XRN1: variants seen among roughly 807,000 people sequenced by gnomAD.
XRN1 encodes the protein strand-exchange protein 1 homolog.
A neutral mutation model predicts 222.3 loss-of-function variants in XRN1; 67 were observed. The ratio of observed to expected loss-of-function variants is 0.30; its 90% CI spans 0.25 to 0.37. The LOEUF (loss-of-function observed/expected upper bound fraction) is 0.37, where lower values mean the gene tolerates loss of function less well. Among genes scored for constraint, XRN1 ranks in the 10% least tolerant of loss-of-function variants. The pLI is 1.00. For missense variants in XRN1, 1,707 were observed against 2,000.2 expected (o/e 0.85, Z 2.80); for synonymous variants, 643 against 652.4 (o/e 0.99, Z 0.22).
At chr3:142,387,333 C>T (rs576538480) in intron 20 of XRN1, among the ~76,000 whole-genome samples, 2 of 152,168 alleles carry the variant, frequency 1.3e-5, no homozygotes, top group Non-Finnish European at 2.9e-5. Context: ...GAGGGAGCAG[C>T]GGATGGTAAT....
intron 15 of XRN1, among the ~76,000 whole-genome samples, chr3:142,409,176 TA>T (rs1219407901): frequency 6.6e-6 from 1 of 152,228 alleles, no homozygotes; most frequent in Non-Finnish European, 1.5e-5. Flanking sequence ...CATCTTTTGA[TA>T]AATGGAAATT....
At chr3:142,329,728 G>T in intron 36 of XRN1, 113 bp from the exon 37 acceptor site, 1 of 1,035,564 alleles carries the variant, frequency 9.7e-7, no homozygotes, top group Non-Finnish European at 1.3e-6. Flanking sequence ...AAAGTGAAGT[G>T]AATTGCTCAA....
intron 20 of XRN1, among the ~76,000 whole-genome samples, chr3:142,389,389 A>G (rs1350462090): frequency 6.6e-6 from 1 of 152,154 alleles, no homozygotes; most frequent in African/African-American, 2.4e-5. Flanking sequence ...GTCATATAGG[A>G]GGGTCGGAAT....
chr3:142,386,802 T>C (rs1470418561), intron 20 of XRN1, among the ~76,000 whole-genome samples: 1 of 152,124 alleles, frequency 6.6e-6, no homozygotes, highest in Non-Finnish European at 1.5e-5. Context: ...ACTACTACTA[T>C]ACCAAAATGG....
chr3:142,355,800 G>A (rs1160394798), intron 31 of XRN1, among the ~76,000 whole-genome samples: 1 of 151,650 alleles, frequency 6.6e-6, no homozygotes, highest in Non-Finnish European at 1.5e-5. Flanking sequence ...TTCTAGGGAT[G>A]GGTTGCCATG....
At chr3:142,328,354 A>G (rs2065578693) in intron 37 of XRN1, among the ~76,000 whole-genome samples, 1 of 152,090 alleles carries the variant, frequency 6.6e-6, no homozygotes, top group African/African-American at 2.4e-5. Context: ...CATTTGCTTC[A>G]GGAAAATTTA....
chr3:142,368,564 A>T (rs1180477290), intron 27 of XRN1, among the ~76,000 whole-genome samples: 3 of 152,278 alleles, frequency 2.0e-5, no homozygotes, highest in African/African-American at 7.2e-5. Context: ...AAAGCTCTGA[A>T]TCCAAATGGG....
chr3:142,407,789 T>A (rs532314303), intron 15 of XRN1: 1 of 152,242 alleles, frequency 6.6e-6, no homozygotes, highest in Non-Finnish European at 1.5e-5. Flanking sequence ...TTTAAACTTT[T>A]GCAACCAGTC....
chr3:142,320,471 C>T (rs1404674673), intron 37 of XRN1, among the ~76,000 whole-genome samples: 3 of 152,070 alleles, frequency 2.0e-5, no homozygotes, highest in Non-Finnish European at 4.4e-5. Context: ...GATATTTAGT[C>T]CTTTGTCAGA....
intron 19 of XRN1, among the ~76,000 whole-genome samples, chr3:142,397,849 A>G (rs1577361563): frequency 6.6e-6 from 1 of 152,210 alleles, no homozygotes; most frequent in Non-Finnish European, 1.5e-5. Context: ...CAAAGAAATG[A>G]TAAGTGTTTG....
rs565424006 is a variant in XRN1 at position 142,403,615 on chromosome 3, C to A, written c.2103+59G>T. ...AATACCTCCCTGGTAAACATCCCAGCAGCTACAGTTTAATACATTATAGGC... is the reference window on the plus strand; with the variant it reads ...AATACCTCCCTGGTAAACATCCCAGAAGCTACAGTTTAATACATTATAGGC... On this transcript the variant is annotated intron_variant, in intron 18 of 40. Transcript: ENST00000392981. 4 of 1,485,682 alleles carry A rather than the reference C, an allele frequency of 2.7e-6. No homozygotes were observed. In the South Asian group the frequency reaches 4.7e-5, roughly 17 times the overall value. 92.0% of individuals were successfully genotyped at this position (1,485,682 alleles called of 1,614,324 possible).
chr3:142,438,214 C>T (rs971563725), intron 1 of XRN1, among the ~76,000 whole-genome samples: 11 of 152,136 alleles, frequency 7.2e-5, no homozygotes, highest in Non-Finnish European at 1.5e-4. Flanking sequence ...GGCGGGAAAA[C>T]AGGTGCAGGA....
At chr3:142,337,583 A>G (rs1349090311) in intron 33 of XRN1, among the ~76,000 whole-genome samples, 3 of 152,210 alleles carry the variant, frequency 2.0e-5, no homozygotes, top group Non-Finnish European at 4.4e-5. Flanking sequence ...TTACTACAGG[A>G]TGAAGATTCT....
chr3:142,446,967 C>T (rs993351207), intron 1 of XRN1, among the ~76,000 whole-genome samples: 1 of 152,112 alleles, frequency 6.6e-6, no homozygotes, highest in Non-Finnish European at 1.5e-5. Flanking sequence ...CAATCAGCTA[C>T]ACAAATTTCA....
At chr3:142,380,221 C>T in intron 22 of XRN1, 41 bp from the exon 23 acceptor site, 1 of 1,506,424 alleles carries the variant, frequency 6.6e-7, no homozygotes, top group Non-Finnish European at 9.1e-7. Context: ...TCTTTCAGTA[C>T]ATTTTATTTT....
chr3:142,355,611 C>A (rs774312797), intron 31 of XRN1, 115 bp from the exon 32 acceptor site: 4 of 672,694 alleles, frequency 5.9e-6, no homozygotes, highest in Non-Finnish European at 9.2e-6. Context: ...GGATATTAAA[C>A]CTTTTTTTTT....
chr3:142,379,893 C>G (rs2067251481), intron 23 of XRN1, among the ~76,000 whole-genome samples, 189 bp downstream of exon 23: 1 of 152,114 alleles, frequency 6.6e-6, no homozygotes, highest in Admixed American at 6.5e-5. Flanking sequence ...TTTCCCCCCA[C>G]AAAGATCTAC....
intron 22 of XRN1, 125 bp downstream of exon 22, chr3:142,383,175 T>C: frequency 1.3e-6 from 1 of 763,742 alleles, no homozygotes; most frequent in South Asian, 1.7e-5. Flanking sequence ...GTTCATAAGT[T>C]ACATGGATAA....
intron 32 of XRN1, among the ~76,000 whole-genome samples, chr3:142,350,874 T>C (rs934858399): frequency 6.6e-6 from 1 of 151,830 alleles, no homozygotes; most frequent in Non-Finnish European, 1.5e-5. Flanking sequence ...AGAACAAGAG[T>C]TCAATTTTGG....
Sources: allele counts gnomAD v4.1 joint callset (sites outside exome capture counted in the v4.1 genomes callset), GRCh38; gene constraint gnomAD v4.1.1; transcripts MANE v1.5; gene names NCBI Gene and HGNC (gene_info 2026-07-23, HGNC 2026-07-21).